The following SAMD5 variants were observed in gnomAD, a reference collection of about 807,000 sequenced individuals.
The protein encoded by SAMD5 is sterile alpha motif domain containing 5.
SAMD5 carries 13 observed loss-of-function variants against 11.3 expected under a neutral mutation model. The observed-to-expected ratio is 1.15, with a 90% CI of 0.75 to 1.83. The LOEUF is 1.83. Ranked by LOEUF, SAMD5 falls within the 40% of genes most tolerant of loss-of-function variation. The probability of loss-of-function intolerance (pLI) is 0.00; values close to 1 mark genes in which losing one functional copy is unlikely to be tolerated. For synonymous variants in SAMD5, 129 were observed against 111.3 expected, an observed-to-expected ratio of 1.16 and a Z score of -1.00; for missense variants, 255 against 239.1, an observed-to-expected ratio of 1.07 and a Z score of -0.44.
chr6:147,530,624 G>T (rs990555314), intron 1 of SAMD5, among the ~76,000 whole-genome samples: 1 of 152,204 alleles, frequency 6.6e-6, no homozygotes, highest in Non-Finnish European at 1.5e-5. Context: ...TGAGGTTTGT[G>T]CACTTAATAA....
chr6:147,730,154 A>AGAT, intron 1 of SAMD5: 1 of 420,890 alleles, frequency 2.4e-6, no homozygotes, highest in Non-Finnish European at 4.6e-6. Context: ...AGGGAGAGAA[A>AGAT]GATGATGATT....
intron 1 of SAMD5, chr6:147,733,884 G>A (rs182664436): frequency 7.9e-5 from 17 of 215,086 alleles, no homozygotes; most frequent in African/African-American, 1.9e-4. Context: ...CCATTCCCTC[G>A]GACAGTGTTA....
chr6:147,723,835 T>C (rs1364839464), intron 1 of SAMD5, among the ~76,000 whole-genome samples: 1 of 152,188 alleles, frequency 6.6e-6, no homozygotes, highest in South Asian at 2.1e-4. Flanking sequence ...TCTGATGGAC[T>C]CCAGAAAATG....
chr6:147,695,509 T>C (rs901972950), intron 1 of SAMD5, among the ~76,000 whole-genome samples: 1 of 152,250 alleles, frequency 6.6e-6, no homozygotes, highest in African/African-American at 2.4e-5. Flanking sequence ...TAAATGATCT[T>C]ATACTGCTAT....
the SAMD5 span, among the ~76,000 whole-genome samples, chr6:147,854,076 C>G: frequency 1.3e-5 from 2 of 152,088 alleles, no homozygotes; most frequent in Non-Finnish European, 2.9e-5. Context: ...TAATATGTAG[C>G]CTAAGTTGAA....
chr6:147,706,745 A>G (rs893931167), intron 1 of SAMD5, among the ~76,000 whole-genome samples: 8 of 152,206 alleles, frequency 5.3e-5, no homozygotes, highest in African/African-American at 1.9e-4. Context: ...CTTGCAACCC[A>G]TCTCCTGTGT....
chr6:147,558,960 A>G, intron 1 of SAMD5, among the ~76,000 whole-genome samples: 1 of 152,128 alleles, frequency 6.6e-6, no homozygotes, highest in East Asian at 1.9e-4. Context: ...CAACTACCAA[A>G]TACCTCCTTA....
At chr6:147,654,220 C>T (rs1207480589) in intron 1 of SAMD5, among the ~76,000 whole-genome samples, 1 of 152,112 alleles carries the variant, frequency 6.6e-6, no homozygotes, top group Non-Finnish European at 1.5e-5. Context: ...TTCTGGAAGA[C>T]ATTGTCATGG....
At chr6:147,843,512 C>T in the SAMD5 span, among the ~76,000 whole-genome samples, 2 of 152,060 alleles carry the variant, frequency 1.3e-5, no homozygotes, top group Non-Finnish European at 2.9e-5. Context: ...TTATATAGAA[C>T]CACAGAAGAC....
intron 1 of SAMD5, among the ~76,000 whole-genome samples, chr6:147,710,931 G>C (rs1791389228): frequency 6.6e-6 from 1 of 150,800 alleles, no homozygotes. Flanking sequence ...TACCTAGCTA[G>C]TGTCAAATTA....
At chr6:147,653,560 T>G (rs914350825) in intron 1 of SAMD5, among the ~76,000 whole-genome samples, 1 of 152,226 alleles carries the variant, frequency 6.6e-6, no homozygotes, top group African/African-American at 2.4e-5. Flanking sequence ...GACTTGTAAT[T>G]AGGCAGAAAG....
At chr6:147,825,535 C>T in the SAMD5 span, among the ~76,000 whole-genome samples, 2 of 152,220 alleles carry the variant, frequency 1.3e-5, no homozygotes, top group East Asian at 1.9e-4. Context: ...CCAGATGGCA[C>T]ATTTTATTAG....
chr6:147,865,431 T>G, the SAMD5 span, among the ~76,000 whole-genome samples: 2 of 151,990 alleles, frequency 1.3e-5, no homozygotes, highest in Non-Finnish European at 2.9e-5. Flanking sequence ...TGGCCCCGGA[T>G]CAGGCCACCT....
At chr6:147,924,064 C>G in the SAMD5 span, among the ~76,000 whole-genome samples, 13 of 152,266 alleles carry the variant, frequency 8.5e-5, no homozygotes, top group Admixed American at 3.3e-4. Context: ...GCCCGCTTCC[C>G]TTCCCCATAT....
chr6:147,542,700 C>T (rs1453996973), intron 1 of SAMD5, among the ~76,000 whole-genome samples: 1 of 152,146 alleles, frequency 6.6e-6, no homozygotes, highest in Non-Finnish European at 1.5e-5. Context: ...CAAAATATCT[C>T]AAGCACTGAT....
chr6:147,779,656 A>G, the SAMD5 span, among the ~76,000 whole-genome samples: 4 of 152,180 alleles, frequency 2.6e-5, no homozygotes, highest in Admixed American at 2.6e-4. Flanking sequence ...CGCTCACTAA[A>G]TAATTGCTGA....
At chr6:147,917,991 T>G in the SAMD5 span, among the ~76,000 whole-genome samples, 1 of 152,186 alleles carries the variant, frequency 6.6e-6, no homozygotes, top group African/African-American at 2.4e-5. Context: ...TCAGGTAGCG[T>G]GATGCCTCCA....
At chr6:147,912,745 A>T in the SAMD5 span, among the ~76,000 whole-genome samples, 4 of 152,174 alleles carry the variant, frequency 2.6e-5, no homozygotes, top group African/African-American at 9.6e-5. Context: ...CTGGAAAAAA[A>T]TGGTATGAGA....
chr6:147,525,323 T>C (rs934265995), intron 1 of SAMD5, among the ~76,000 whole-genome samples: 1 of 144,966 alleles, frequency 6.9e-6, no homozygotes, highest in Non-Finnish European at 1.5e-5. Context: ...AAGATTTTCA[T>C]GGAGGTGGTG....
Sources: gnomAD v4.1 joint callset for allele counts (sites outside exome capture counted in the v4.1 genomes callset) on GRCh38, gnomAD v4.1.1 for gene constraint, MANE v1.5 for transcripts, NCBI Gene and HGNC (gene_info 2026-07-23, HGNC 2026-07-21) for gene names.